RYR1: variants seen among roughly 807,000 people sequenced by gnomAD.
RYR1 encodes the protein ryanodine receptor 1.
RYR1 carries 342 observed loss-of-function variants against 583.5 expected under a neutral mutation model. The observed-to-expected ratio is 0.59, with a 90% CI of 0.54 to 0.64. The LOEUF is 0.64. Among genes scored for constraint, RYR1 ranks in the 30% least tolerant of loss-of-function variants. The pLI is 0.00. For synonymous variants in RYR1, 2,791 were observed against 2,822.5 expected, an observed-to-expected ratio of 0.99 and a Z score of 0.35; for missense variants, 6,032 against 6,917.2, an observed-to-expected ratio of 0.87 and a Z score of 4.54.
At chr19:38,451,122 G>C (rs1411328806) in intron 11 of RYR1, among the ~76,000 whole-genome samples, 2 of 152,250 alleles carry the variant, frequency 1.3e-5, no homozygotes, top group African/African-American at 2.4e-5. Flanking sequence ...CAGCCTTGCT[G>C]AATGGACAAG....
At chr19:38,497,383 T>C (rs1007096903) in intron 42 of RYR1, among the ~76,000 whole-genome samples, 1 of 152,190 alleles carries the variant, frequency 6.6e-6, no homozygotes, top group Non-Finnish European at 1.5e-5. Flanking sequence ...CACTTCTGTG[T>C]ACAGTGGTGA....
intron 25 of RYR1, among the ~76,000 whole-genome samples, chr19:38,468,355 A>G (rs531983322): frequency 3.1e-4 from 47 of 150,682 alleles, no homozygotes; most frequent in African/African-American, 1.1e-3. Context: ...CTTCCAGCCA[A>G]CTGTCCATCC....
chr19:38,461,759 GAA>G (rs1967766305), intron 20 of RYR1, among the ~76,000 whole-genome samples: 1 of 141,610 alleles, frequency 7.1e-6, no homozygotes, highest in African/African-American at 2.6e-5. Flanking sequence ...GAGAGAGAGA[GAA>G]AGAAAGAAAA....
intron 13 of RYR1, among the ~76,000 whole-genome samples, chr19:38,453,389 G>A (rs1208954699): frequency 6.6e-6 from 1 of 151,774 alleles, no homozygotes; most frequent in Non-Finnish European, 1.5e-5. Flanking sequence ...AGAGGTCAGA[G>A]GTAGGGCTGC....
intron 95 of RYR1, 93 bp from the exon 96 acceptor site, chr19:38,573,084 A>G (rs1973795773): frequency 1.3e-6 from 2 of 1,580,636 alleles, no homozygotes; most frequent in East Asian, 4.5e-5. Flanking sequence ...GTGGGGTCAC[A>G]CACAGACCCC....
intron 82 of RYR1, 81 bp downstream of exon 82, chr19:38,536,151 C>T (rs1971955932): frequency 4.3e-6 from 5 of 1,156,722 alleles, no homozygotes; most frequent in Non-Finnish European, 5.9e-6. Flanking sequence ...CCCGCCATTG[C>T]CCAGAGCTCC....
At chr19:38,528,794 A>G (rs1189706616) in intron 75 of RYR1, 99 bp downstream of exon 75, 1 of 1,440,192 alleles carries the variant, frequency 6.9e-7, no homozygotes, top group Admixed American at 1.8e-5. Flanking sequence ...CTCCACATCA[A>G]GGGGTATAGA....
intron 80 of RYR1, 24 bp downstream of exon 80, chr19:38,535,244 G>A: frequency 6.2e-7 from 1 of 1,614,046 alleles, no homozygotes; most frequent in Non-Finnish European, 8.5e-7. Flanking sequence ...AGGGACTTCA[G>A]AAGAAGGCAA....
rs537344365 is a variant in RYR1 at position 38,448,799 on chromosome 19, G to C, written c.1108G>C (p.Val370Leu). ...AGACCCCAAGGCCCTGCGGCTCGGCGTGCTCAAGAAGAAGGTGGGTGTAAT... is the reference window on the plus strand; with the variant it reads ...AGACCCCAAGGCCCTGCGGCTCGGCCTGCTCAAGAAGAAGGTGGGTGTAAT... The part of the protein sequence containing the change: ...APDPKALRLG[V>L]LKKKAMLHQE... Residue 370 changes from valine (V) to leucine (L), a missense_variant, in exon 11 of 106, where the codon GTG (valine) becomes CTG (leucine). Coordinates refer to ENST00000359596, the MANE Select transcript of RYR1 (RefSeq NM_000540.3). 55 of 1,613,804 alleles carry C rather than the reference G, an allele frequency of 3.4e-5. 1 individual carries two copies. The South Asian group carries it at 5.9e-4, about 17-fold the overall frequency.
At chr19:38,462,622 T>C (rs944735337) in intron 20 of RYR1, among the ~76,000 whole-genome samples, 1 of 152,264 alleles carries the variant, frequency 6.6e-6, no homozygotes, top group Non-Finnish European at 1.5e-5. Context: ...ATATTAACTA[T>C]GTAACATTTA....
At chr19:38,437,046 T>G (rs943333956) in intron 1 of RYR1, among the ~76,000 whole-genome samples, 2 of 151,882 alleles carry the variant, frequency 1.3e-5, no homozygotes, top group African/African-American at 4.8e-5. Context: ...CCTTCATTTT[T>G]TTTTTCTTTT....
intron 89 of RYR1, among the ~76,000 whole-genome samples, chr19:38,557,054 T>TC (rs1294607113): frequency 9.1e-5 from 13 of 143,518 alleles, no homozygotes; most frequent in South Asian, 2.3e-4. Context: ...CTCATTTCTT[T>TC]TTTTTTTTTT....
chr19:38,571,545 T>C (rs989057083), intron 94 of RYR1, among the ~76,000 whole-genome samples: 4 of 151,932 alleles, frequency 2.6e-5, no homozygotes, highest in African/African-American at 9.7e-5. Flanking sequence ...GCTGAGGCAG[T>C]AGAATCCCTT....
rs1041327076 is a variant in RYR1, at chr19:38,536,745, C to A, written c.11591-5C>A. The A allele has an allele frequency of 6.2e-7, 1 of 1,613,846 alleles. No individual in the cohort carries two copies. Among genetic ancestry groups the A allele is most frequent in the Non-Finnish European group, 8.5e-7 (1 of 1,179,932 alleles). On this transcript the variant is annotated splice_polypyrimidine_tract_variant and splice_region_variant and intron_variant, in intron 82 of 105. Coordinates refer to ENST00000359596, the MANE Select transcript of RYR1 (RefSeq NM_000540.3). ...TTCCTCCTCCCATCCTGTTGGCTGC[C>A]CCAGTCATCAATCGCCAGAACGGTA... is the stretch of plus-strand genomic sequence containing the variant.
chr19:38,537,871 T>A lies in RYR1; in HGVS notation c.11609-9T>A. 1 of 1,608,720 alleles carries A rather than the reference T, an allele frequency of 6.2e-7. No individual in the cohort carries two copies. Among genetic ancestry groups the A allele is most frequent in the South Asian group, 1.1e-5 (1 of 91,032 alleles). On this transcript the variant is annotated splice_polypyrimidine_tract_variant and intron_variant, in intron 83 of 105. Transcript: ENST00000359596. ...CCCTCCTGGGCCCTGTCCCCTCCCT[T>A]CCACCTAGGAGAGAAGGTCATGGCG...
chr19:38,446,226 C>T (rs961468056), intron 7 of RYR1, among the ~76,000 whole-genome samples: 1 of 152,182 alleles, frequency 6.6e-6, no homozygotes, highest in African/African-American at 2.4e-5. Context: ...ACTCCCCCAG[C>T]CTCAGCTCTG....
intron 31 of RYR1, among the ~76,000 whole-genome samples, chr19:38,478,861 G>C (rs1025815517): frequency 1.3e-5 from 2 of 152,158 alleles, no homozygotes; most frequent in African/African-American, 4.8e-5. Flanking sequence ...TTCGCCTCCT[G>C]GGTTAGAGGG....
At chr19:38,544,448 G>T (rs1972339615) in intron 87 of RYR1, among the ~76,000 whole-genome samples, 1 of 152,074 alleles carries the variant, frequency 6.6e-6, no homozygotes, top group Non-Finnish European at 1.5e-5. Context: ...TATATTCAAG[G>T]CTGCCATATA....
At chr19:38,490,044 A>C (rs755929947) in intron 35 of RYR1, 32 bp from the exon 36 acceptor site, 1 of 1,609,750 alleles carries the variant, frequency 6.2e-7, no homozygotes, top group Non-Finnish European at 8.5e-7. Flanking sequence ...TCTCACCTCC[A>C]TCTCTCCTCC....
Sources: allele counts gnomAD v4.1 joint callset (sites outside exome capture counted in the v4.1 genomes callset), GRCh38; gene constraint gnomAD v4.1.1; transcripts MANE v1.5; gene names NCBI Gene and HGNC (gene_info 2026-07-23, HGNC 2026-07-21).